PKHD1: variants seen among roughly 807,000 people sequenced by gnomAD.
PKHD1 encodes fibrocystin.
PKHD1 carries 291 observed loss-of-function variants against 412.0 expected under a neutral mutation model. The ratio of observed to expected loss-of-function variants is 0.71; its 90% CI spans 0.64 to 0.78. The LOEUF (loss-of-function observed/expected upper bound fraction) is 0.78, where lower values mean the gene tolerates loss of function less well. Ranked by LOEUF, PKHD1 falls within the 30% of genes least tolerant of loss-of-function variation. The probability of loss-of-function intolerance (pLI) is 0.00; values close to 1 mark genes in which losing one functional copy is unlikely to be tolerated. For missense variants in PKHD1, 4,825 were observed against 4,950.7 expected (o/e 0.97, Z 0.76); for synonymous variants, 1,777 against 1,821.5 (o/e 0.98, Z 0.62).
chr6:51,899,397 CA>C (rs1780803478), intron 43 of PKHD1, among the ~76,000 whole-genome samples: 1 of 152,074 alleles, frequency 6.6e-6, no homozygotes, highest in Non-Finnish European at 1.5e-5. Context: ...AGCATATAAA[CA>C]GAGCCAAAGA....
At position 52,052,709 on chromosome 6, in the gene PKHD1, C is replaced by A. The variant is rs144387889; in HGVS notation, c.2140+367G>T. ...TATTAGACACCTTCTATGGACAAGA[C>A]CAGTAAGGAGTACTTTATATTAAAC... On this transcript the variant is annotated intron_variant, in intron 21 of 66. Transcript: ENST00000371117. 4.0e-3 allele frequency among the ~76,000 whole-genome samples: 602 copies of A among 152,220 alleles called. 4 individuals carry two copies. Among genetic ancestry groups the A allele is most frequent in the African/African-American group, 0.013 (558 of 41,510 alleles).
At chr6:51,658,172 T>C (rs1772200724) in intron 61 of PKHD1, among the ~76,000 whole-genome samples, 2 of 152,124 alleles carry the variant, frequency 1.3e-5, no homozygotes, top group South Asian at 4.1e-4. Flanking sequence ...TGAATAAATT[T>C]TGAATAATAA....
chr6:51,874,241 T>C (rs1415571280), intron 46 of PKHD1, among the ~76,000 whole-genome samples: 9 of 151,788 alleles, frequency 5.9e-5, no homozygotes, highest in Admixed American at 5.3e-4. Flanking sequence ...TACAGATACT[T>C]CGATAAGTAG....
At chr6:51,926,271 G>A (rs944018846) in intron 37 of PKHD1, among the ~76,000 whole-genome samples, 1 of 152,134 alleles carries the variant, frequency 6.6e-6, no homozygotes, top group South Asian at 2.1e-4. Context: ...AGCCAGCTGA[G>A]GGGAAAGCAG....
At chr6:51,773,311 T>C (rs1442536265) in intron 54 of PKHD1, among the ~76,000 whole-genome samples, 1 of 151,974 alleles carries the variant, frequency 6.6e-6, no homozygotes. Flanking sequence ...CAAAATGCAG[T>C]TTATTTCAGA....
chr6:51,954,709 G>A (rs532884878), intron 36 of PKHD1, among the ~76,000 whole-genome samples: 1 of 150,272 alleles, frequency 6.7e-6, no homozygotes, highest in East Asian at 2.0e-4. Flanking sequence ...AAACAAATTA[G>A]CATATCAATC....
At chr6:51,928,696 A>T (rs901950597) in intron 37 of PKHD1, among the ~76,000 whole-genome samples, 1 of 152,122 alleles carries the variant, frequency 6.6e-6, no homozygotes, top group Non-Finnish European at 1.5e-5. Flanking sequence ...GGTAGTAGAA[A>T]ATCAAAGTCC....
intron 34 of PKHD1, among the ~76,000 whole-genome samples, chr6:52,013,800 C>T (rs1800102713): frequency 6.6e-6 from 1 of 152,144 alleles, no homozygotes; most frequent in Admixed American, 6.5e-5. Flanking sequence ...TGATTAGATC[C>T]TAAAGTAAGC....
At chr6:51,818,306 A>T (rs1765811719) in intron 52 of PKHD1, among the ~76,000 whole-genome samples, 1 of 152,212 alleles carries the variant, frequency 6.6e-6, no homozygotes, top group Non-Finnish European at 1.5e-5. Context: ...TCTGAGAAAC[A>T]TATATTCATA....
At position 51,887,210 on chromosome 6, in the gene PKHD1, A is replaced by G; in HGVS notation, c.7032T>C (p.Phe2344=). 1.2e-6 allele frequency: 2 copies of G among 1,613,254 alleles called. No individual in the cohort carries two copies. The highest frequency in any genetic ancestry group is 1.7e-6 in the Non-Finnish European group (2 of 1,179,188). Residue 2344 remains phenylalanine, a synonymous_variant, in exon 44 of 67, where the codon TTT becomes TTC. Coordinates refer to ENST00000371117, the MANE Select transcript of PKHD1 (RefSeq NM_138694.4). ...NRVCGAGYGY[F]FHLMTNQTSQ... ...ATGTTTGGTTGGTCATGAGATGGAA[A>G]AAGTAGCCATAGCCAGCACCACACA...
chr6:51,680,147 T>G (rs1345320036), intron 60 of PKHD1, among the ~76,000 whole-genome samples: 4 of 151,996 alleles, frequency 2.6e-5, no homozygotes, highest in Non-Finnish European at 5.9e-5. Flanking sequence ...TTATTATTAT[T>G]ATGCCAAACA....
intron 36 of PKHD1, among the ~76,000 whole-genome samples, chr6:51,955,571 C>T (rs1194075977): frequency 6.6e-6 from 1 of 151,894 alleles, no homozygotes; most frequent in Non-Finnish European, 1.5e-5. Context: ...TTGTACGAGC[C>T]CAGTTTTCTA....
intron 4 of PKHD1, among the ~76,000 whole-genome samples, chr6:52,082,046 T>A (rs930151227): frequency 7.2e-5 from 11 of 152,202 alleles, no homozygotes; most frequent in Non-Finnish European, 1.2e-4. Context: ...TGTGCAATCA[T>A]TGCAATTATG....
At chr6:51,788,574 CAAA>C (rs1218398391) in intron 53 of PKHD1, among the ~76,000 whole-genome samples, 4 of 152,082 alleles carry the variant, frequency 2.6e-5, no homozygotes, top group African/African-American at 9.6e-5. Context: ...CCCAGCCATA[CAAA>C]GGCCATGCCT....
chr6:51,929,222 T>A (rs1786200323), intron 37 of PKHD1, among the ~76,000 whole-genome samples: 1 of 152,032 alleles, frequency 6.6e-6, no homozygotes, highest in African/African-American at 2.4e-5. Flanking sequence ...AAGAACAGAC[T>A]TTATAGAAAA....
intron 60 of PKHD1, among the ~76,000 whole-genome samples, chr6:51,662,462 TTTTA>T (rs1773015741): frequency 1.3e-5 from 2 of 151,908 alleles, no homozygotes; most frequent in Admixed American, 6.6e-5. Context: ...TATTTAAAAT[TTTTA>T]TTTGTCAATT....
intron 36 of PKHD1, among the ~76,000 whole-genome samples, chr6:51,946,907 C>A (rs1789533743): frequency 6.6e-6 from 1 of 152,128 alleles, no homozygotes; most frequent in Non-Finnish European, 1.5e-5. Flanking sequence ...AATTAGTCAT[C>A]CTCTATAATA....
intron 36 of PKHD1, among the ~76,000 whole-genome samples, chr6:51,959,614 T>C (rs909277909): frequency 6.6e-6 from 1 of 152,074 alleles, no homozygotes. Context: ...AGCATATTCT[T>C]TGAGAACACT....
intron 37 of PKHD1, among the ~76,000 whole-genome samples, chr6:51,931,808 A>T (rs1198581653): frequency 1.3e-5 from 2 of 151,516 alleles, no homozygotes; most frequent in Non-Finnish European, 2.9e-5. Flanking sequence ...TAATCTGGGA[A>T]TATAGGAAAA....
Sources: gnomAD v4.1 joint callset for allele counts (sites outside exome capture counted in the v4.1 genomes callset) on GRCh38, gnomAD v4.1.1 for gene constraint, MANE v1.5 for transcripts, NCBI Gene and HGNC (gene_info 2026-07-23, HGNC 2026-07-21) for gene names.